Variants in LAMA3 observed in about 807,000 individuals in gnomAD.
LAMA3 encodes the protein laminin subunit alpha 3, also known as laminin subunit alpha-3.
A neutral mutation model predicts 402.0 loss-of-function variants in LAMA3; 281 were observed. The observed-to-expected ratio is 0.70, with a 90% CI of 0.63 to 0.77. The LOEUF is 0.77. Among genes scored for constraint, LAMA3 ranks in the 30% least tolerant of loss-of-function variants. The pLI is 0.00. For missense variants in LAMA3, 3,840 were observed against 4,215.5 expected (o/e 0.91, Z 2.47); for synonymous variants, 1,431 against 1,558.4 (o/e 0.92, Z 1.93).
Position 23,905,548 on chromosome 18 carries a change from A to G in LAMA3, c.6642A>G (p.Arg2214=), listed in dbSNP as rs2081214068. ...LQTVIKEDLP[R]KAKTLSSNSD... is the part of the protein sequence containing the mutation. ...CAGTGATAAAGGAAGATCTGCCAAG[A>G]AAAGCTAAAACCCTGAGTTCCAACA... Residue 2214 remains arginine, a synonymous_variant, in exon 52 of 75, where the codon AGA becomes AGG. Coordinates refer to ENST00000313654, the MANE Select transcript of LAMA3 (RefSeq NM_198129.4). 1 of 1,609,998 alleles carries G rather than the reference A, an allele frequency of 6.2e-7. No homozygotes were observed. The highest frequency in any genetic ancestry group is 1.7e-5 in the Admixed American group (1 of 59,966).
chr18:23,873,152 A>C (rs2144831606), intron 38 of LAMA3: 1 of 1,614,222 alleles, frequency 6.2e-7, no homozygotes, highest in East Asian at 2.2e-5. Context: ...AAAGGGTGCC[A>C]TTTCTTCAGC....
At chr18:23,723,444 A>G (rs2061247101) in intron 2 of LAMA3, among the ~76,000 whole-genome samples, 1 of 152,248 alleles carries the variant, frequency 6.6e-6, no homozygotes, top group South Asian at 2.1e-4. Context: ...GTGAAGAAAC[A>G]GACCAAAACT....
At chr18:23,713,423 T>C (rs2061034361) in intron 1 of LAMA3, among the ~76,000 whole-genome samples, 1 of 152,188 alleles carries the variant, frequency 6.6e-6, no homozygotes, top group Non-Finnish European at 1.5e-5. Context: ...GCCACAGCCA[T>C]CTACTCCATG....
intron 42 of LAMA3, among the ~76,000 whole-genome samples, chr18:23,892,579 G>C (rs546367127): frequency 4.3e-4 from 66 of 152,208 alleles, no homozygotes; most frequent in African/African-American, 1.5e-3. Context: ...CAGGCTAACT[G>C]AGGAAATAGA....
intron 55 of LAMA3, among the ~76,000 whole-genome samples, chr18:23,910,027 C>T (rs1034069035): frequency 6.6e-6 from 1 of 152,148 alleles, no homozygotes; most frequent in Non-Finnish European, 1.5e-5. Flanking sequence ...AACATAAAAA[C>T]TTGAACAGGA....
At chr18:23,857,383 T>C (rs1362706599) in intron 32 of LAMA3, among the ~76,000 whole-genome samples, 4 of 152,210 alleles carry the variant, frequency 2.6e-5, no homozygotes, top group African/African-American at 9.6e-5. Context: ...GATCTCCCGC[T>C]CTGTTCCTTC....
At chr18:23,898,595 C>T (rs1347885575) in intron 44 of LAMA3, 143 bp from the exon 45 acceptor site, 1 of 682,090 alleles carries the variant, frequency 1.5e-6, no homozygotes, top group Non-Finnish European at 2.7e-6. Context: ...CTTATGTAAC[C>T]TATTTCCAAG....
chr18:23,861,037 C>A (rs1026871352), intron 34 of LAMA3, among the ~76,000 whole-genome samples: 2 of 152,086 alleles, frequency 1.3e-5, no homozygotes, highest in Non-Finnish European at 2.9e-5. Flanking sequence ...TATTTCATAT[C>A]TTTTACTGCC....
chr18:23,793,491 G>C (rs971482732), intron 12 of LAMA3, among the ~76,000 whole-genome samples: 2 of 151,902 alleles, frequency 1.3e-5, no homozygotes, highest in Non-Finnish European at 2.9e-5. Context: ...GCATCCCTGG[G>C]GGACAAGGGA....
intron 6 of LAMA3, among the ~76,000 whole-genome samples, chr18:23,757,868 G>A (rs891460714): frequency 2.6e-5 from 4 of 152,242 alleles, no homozygotes; most frequent in African/African-American, 9.6e-5. Flanking sequence ...TTGGCCCCAT[G>A]ATGGAGCTGG....
At chr18:23,714,709 T>C (rs1479197668) in intron 2 of LAMA3, among the ~76,000 whole-genome samples, 1 of 152,212 alleles carries the variant, frequency 6.6e-6, no homozygotes, top group Non-Finnish European at 1.5e-5. Flanking sequence ...TTTTTAAGTA[T>C]ATGGTTCAGT....
chr18:23,893,621 T>C (rs2080771892), intron 42 of LAMA3, among the ~76,000 whole-genome samples: 2 of 152,054 alleles, frequency 1.3e-5, no homozygotes, highest in African/African-American at 4.8e-5. Context: ...AAACTCAGCT[T>C]ATATGTGCTG....
At chr18:23,712,442 G>T (rs913863752) in intron 1 of LAMA3, among the ~76,000 whole-genome samples, 2 of 148,974 alleles carry the variant, frequency 1.3e-5, no homozygotes, top group African/African-American at 5.0e-5. Flanking sequence ...TTTATAGAAA[G>T]AATCAACATT....
Position 23,837,570 on chromosome 18 carries a change from GATATAT to G in LAMA3, c.3093+500_3093+505del, listed in dbSNP as rs56179962. 8.2e-4 allele frequency among the ~76,000 whole-genome samples: 68 copies of G among 83,296 alleles called. 2 individuals are homozygous for G. Among genetic ancestry groups the G allele is most frequent in the South Asian group, 1.2e-3 (3 of 2,402 alleles). The allele number at this position is 83,296 out of a possible 152,430, so 54.6% of individuals were successfully genotyped here. A position where few individuals can be genotyped will look rare whatever the true frequency, so the allele number is the denominator to read the frequency against. ...AAAAAGAATATCATTCAGTTAATCA[GATATAT>G]ATATATATATATATATATGTTATTA... On this transcript the variant is annotated intron_variant, in intron 25 of 74. Transcript: ENST00000313654.
intron 32 of LAMA3, among the ~76,000 whole-genome samples, chr18:23,854,603 T>G (rs769129003): frequency 6.6e-6 from 1 of 150,674 alleles, no homozygotes; most frequent in Non-Finnish European, 1.5e-5. Context: ...ATTGCGCCAC[T>G]GCACTCCAGC....
intron 54 of LAMA3, 77 bp downstream of exon 54, chr18:23,908,012 C>T (rs2081307204): frequency 1.4e-6 from 2 of 1,418,248 alleles, no homozygotes; most frequent in Admixed American, 3.3e-5. Flanking sequence ...TCCATTCTTC[C>T]CTGGTAAAGT....
At chr18:23,769,413 G>A (rs2062146712) in intron 8 of LAMA3, among the ~76,000 whole-genome samples, 3 of 152,104 alleles carry the variant, frequency 2.0e-5, no homozygotes, top group Admixed American at 6.6e-5. Flanking sequence ...TTGTCTCATG[G>A]TATTTATAAA....
chr18:23,840,807 C>T (rs1568241463), intron 27 of LAMA3, among the ~76,000 whole-genome samples: 1 of 151,902 alleles, frequency 6.6e-6, no homozygotes, highest in Non-Finnish European at 1.5e-5. Context: ...GTTTAGTATC[C>T]CTTATCCAAA....
At chr18:23,699,182 C>T (rs534971158) in intron 1 of LAMA3, among the ~76,000 whole-genome samples, 18 of 152,322 alleles carry the variant, frequency 1.2e-4, no homozygotes, top group African/African-American at 4.3e-4. Context: ...GCCCCTGAGG[C>T]GGGAACATGC....
Sources: gnomAD v4.1 joint callset for allele counts (sites outside exome capture counted in the v4.1 genomes callset) on GRCh38, gnomAD v4.1.1 for gene constraint, MANE v1.5 for transcripts, NCBI Gene and HGNC (gene_info 2026-07-23, HGNC 2026-07-21) for gene names.